Variants in DCLK1 observed in about 807,000 individuals in gnomAD.
DCLK1 encodes the protein serine/threonine-protein kinase DCLK1.
A neutral mutation model predicts 86.2 loss-of-function variants in DCLK1; 16 were observed. The observed-to-expected ratio is 0.19, with a 90% confidence interval of 0.13 to 0.28. The LOEUF (loss-of-function observed/expected upper bound fraction) is 0.28, where lower values mean the gene tolerates loss of function less well. DCLK1 is among the 10% of genes least tolerant of loss of function. The pLI is 1.00. For synonymous variants in DCLK1, 369 were observed against 370.5 expected (o/e 1.00, Z 0.05); for missense variants, 590 against 940.2 (o/e 0.63, Z 4.87).
chr13:35,877,098 G>A (rs1468629044), intron 4 of DCLK1, among the ~76,000 whole-genome samples: 1 of 152,120 alleles, frequency 6.6e-6, no homozygotes, highest in Non-Finnish European at 1.5e-5. Flanking sequence ...TTCATCTGAG[G>A]TGAAAAGTAT....
chr13:35,937,890 T>A (rs1177882743), intron 4 of DCLK1, among the ~76,000 whole-genome samples: 1 of 151,984 alleles, frequency 6.6e-6, no homozygotes, highest in Non-Finnish European at 1.5e-5. Context: ...TGTGGTTTGG[T>A]GAGATGACAG....
chr13:35,824,555 C>A (rs1473303221), intron 10 of DCLK1, among the ~76,000 whole-genome samples: 1 of 152,074 alleles, frequency 6.6e-6, no homozygotes, highest in Admixed American at 6.5e-5. Flanking sequence ...TCCTTCGCAG[C>A]CATCTGGGCC....
At chr13:36,107,158 G>C (rs1176148537) in intron 3 of DCLK1, among the ~76,000 whole-genome samples, 1 of 152,086 alleles carries the variant, frequency 6.6e-6, no homozygotes, top group Non-Finnish European at 1.5e-5. Context: ...TGTAATGATG[G>C]ATTAATTTAT....
chr13:35,889,460 G>A (rs988388317), intron 4 of DCLK1, among the ~76,000 whole-genome samples: 1 of 151,994 alleles, frequency 6.6e-6, no homozygotes, highest in African/African-American at 2.4e-5. Context: ...TGTCTTTCCT[G>A]GACAACCACT....
At chr13:35,842,486 C>G (rs934125058) in intron 6 of DCLK1, among the ~76,000 whole-genome samples, 2 of 150,876 alleles carry the variant, frequency 1.3e-5, no homozygotes, top group Admixed American at 1.3e-4. Flanking sequence ...CCCTGGGCAA[C>G]ATAGTGAAAC....
intron 16 of DCLK1, chr13:35,788,051 GGGGTGT>G (rs2086652043): frequency 1.4e-6 from 1 of 706,462 alleles, no homozygotes; most frequent in Non-Finnish European, 2.5e-6. Context: ...AAGGAATGAG[GGGGTGT>G]GGCATCTCAA....
At chr13:35,929,318 T>G (rs1876298603) in intron 4 of DCLK1, among the ~76,000 whole-genome samples, 1 of 152,228 alleles carries the variant, frequency 6.6e-6, no homozygotes, top group African/African-American at 2.4e-5. Flanking sequence ...AACATAAATT[T>G]GGCTATGTTA....
chr13:35,911,545 C>A (rs998740268), intron 4 of DCLK1, among the ~76,000 whole-genome samples: 1 of 152,006 alleles, frequency 6.6e-6, no homozygotes, highest in Non-Finnish European at 1.5e-5. Flanking sequence ...TGGTCTAGAC[C>A]CTAGGATGTC....
intron 15 of DCLK1, among the ~76,000 whole-genome samples, chr13:35,800,008 C>T (rs1377784925): frequency 6.6e-6 from 1 of 152,164 alleles, no homozygotes; most frequent in Admixed American, 6.5e-5. Flanking sequence ...AACAAAGTAG[C>T]TGTGATGCTG....
At chr13:35,900,047 A>C (rs866449740) in intron 4 of DCLK1, among the ~76,000 whole-genome samples, 3 of 152,302 alleles carry the variant, frequency 2.0e-5, no homozygotes, top group South Asian at 4.1e-4. Flanking sequence ...ATTAGCACAG[A>C]AACTGTAGAA....
At position 35,793,449 on chromosome 13, in the gene DCLK1, G is replaced by A. The variant is rs2086744247; in HGVS notation, c.1975C>T (p.Leu659=). 4 of 1,607,956 alleles carry A rather than the reference G, an allele frequency of 2.5e-6. No homozygotes were observed. Among genetic ancestry groups the A allele is most frequent in the South Asian group, 1.1e-5 (1 of 90,054 alleles). Residue 659 remains leucine (L), a synonymous_variant, in exon 16 of 17, where the codon CTG becomes TTG. Coordinates refer to ENST00000360631, the MANE Select transcript of DCLK1 (RefSeq NM_001330071.2). The stretch of plus-strand genomic sequence containing the variant: ...TTCTTTATCTTTCCAGCTACTGACA[G>A]CTGATGTTCATTTTCTGGGAGGCCA... The part of the protein sequence containing the change: ...DDGLPENEHQ[L]SVAGKIKKHF...
chr13:36,102,831 T>C (rs1885262747), intron 3 of DCLK1, among the ~76,000 whole-genome samples: 1 of 152,194 alleles, frequency 6.6e-6, no homozygotes, highest in South Asian at 2.1e-4. Flanking sequence ...TCGATCGACT[T>C]TGGAACATGA....
At chr13:35,933,640 C>G (rs1876582400) in intron 4 of DCLK1, among the ~76,000 whole-genome samples, 1 of 152,198 alleles carries the variant, frequency 6.6e-6, no homozygotes, top group Non-Finnish European at 1.5e-5. Context: ...CTACATTACC[C>G]CTTTTAGCCA....
chr13:36,026,768 A>G (rs1228456866), intron 3 of DCLK1, among the ~76,000 whole-genome samples: 1 of 152,164 alleles, frequency 6.6e-6, no homozygotes, highest in African/African-American at 2.4e-5. Flanking sequence ...ATAACTGCTC[A>G]AAATTCAATA....
At chr13:36,064,453 G>T (rs1031168996) in intron 3 of DCLK1, among the ~76,000 whole-genome samples, 2 of 152,136 alleles carry the variant, frequency 1.3e-5, no homozygotes, top group African/African-American at 4.8e-5. Context: ...GAGGTCAGGA[G>T]ATCGAGACCA....
Position 35,944,091 on chromosome 13 carries a change from G to T in DCLK1, c.823+3267C>A, listed in dbSNP as rs867015476. ...AGGGGAGGAAGGAGTCTCCCTGGCA[G>T]TTTCCGATATTAATCTGGCTCCAAT... On this transcript the variant is annotated intron_variant, in intron 4 of 16. Coordinates refer to ENST00000360631, the MANE Select transcript of DCLK1 (RefSeq NM_001330071.2). Among the ~76,000 whole-genome samples, 30 of 152,164 alleles carry T rather than the reference G, an allele frequency of 2.0e-4. 1 individual carries two copies. Among genetic ancestry groups the T allele is most frequent in the South Asian group, 1.0e-3 (5 of 4,826 alleles).
chr13:35,985,354 T>C (rs995984228), intron 3 of DCLK1, among the ~76,000 whole-genome samples: 1 of 150,708 alleles, frequency 6.6e-6, no homozygotes, highest in Non-Finnish European at 1.5e-5. Flanking sequence ...CTTTAGAAAA[T>C]CTGACTCTGA....
At chr13:36,093,690 C>T (rs17053439) in intron 3 of DCLK1, among the ~76,000 whole-genome samples, 18,527 of 151,862 alleles carry the variant, frequency 0.12, 1,525 homozygotes, top group East Asian at 0.32. Context: ...TCAGGAATTC[C>T]TTCACAGAAC....
intron 7 of DCLK1, among the ~76,000 whole-genome samples, chr13:35,837,821 T>C (rs1164219244): frequency 6.6e-6 from 1 of 152,016 alleles, no homozygotes; most frequent in African/African-American, 2.4e-5. Flanking sequence ...ATCCTAGCAC[T>C]TTGGGAGGCC....
Sources: gnomAD v4.1 joint callset for allele counts (sites outside exome capture counted in the v4.1 genomes callset) on GRCh38, gnomAD v4.1.1 for gene constraint, MANE v1.5 for transcripts, NCBI Gene and HGNC (gene_info 2026-07-23, HGNC 2026-07-21) for gene names.